RB1CC1: variants seen among roughly 807,000 people sequenced by gnomAD.
RB1CC1 encodes RB1-inducible coiled-coil protein 1.
Under a neutral mutation model 177.5 loss-of-function variants are expected in RB1CC1, and 46 were observed. The ratio of observed to expected loss-of-function variants is 0.26; its 90% confidence interval spans 0.20 to 0.33. The LOEUF (loss-of-function observed/expected upper bound fraction) is 0.33. Ranked by LOEUF, RB1CC1 falls within the 10% of genes least tolerant of loss-of-function variation. The pLI, the probability that RB1CC1 is intolerant of heterozygous loss-of-function variation, is 1.00. For missense variants in RB1CC1, 1,703 were observed against 1,816.3 expected (o/e 0.94, Z 1.13); for synonymous variants, 666 against 613.6 (o/e 1.09, Z -1.26).
At chr8:52,684,586 G>C (rs1302542698) in intron 3 of RB1CC1, among the ~76,000 whole-genome samples, 2 of 152,140 alleles carry the variant, frequency 1.3e-5, no homozygotes, top group Non-Finnish European at 1.5e-5. Context: ...TGTCAAGCCA[G>C]AGAATTATTA....
chr8:52,700,031 C>T (rs1855905349), intron 1 of RB1CC1, among the ~76,000 whole-genome samples: 1 of 151,546 alleles, frequency 6.6e-6, no homozygotes, highest in South Asian at 2.1e-4. Flanking sequence ...TGGCACAATG[C>T]CTATACAAGA....
chr8:52,655,864 CTAAAAAG>C, intron 15 of RB1CC1, 137 bp downstream of exon 15: 4 of 600,190 alleles, frequency 6.7e-6, no homozygotes, highest in Non-Finnish European at 1.1e-5. Context: ...GAAACACTGA[CTAAAAAG>C]TAAGTTTTTA....
chr8:52,713,067 T>A (rs1857188206), intron 1 of RB1CC1, among the ~76,000 whole-genome samples: 1 of 152,200 alleles, frequency 6.6e-6, no homozygotes, highest in African/African-American at 2.4e-5. Flanking sequence ...CTGTCCAAAC[T>A]TATGTATAAA....
At chr8:52,694,195 C>T (rs1483794431) in intron 1 of RB1CC1, among the ~76,000 whole-genome samples, 2 of 152,178 alleles carry the variant, frequency 1.3e-5, no homozygotes, top group African/African-American at 4.8e-5. Context: ...GAACTCCACC[C>T]TACTGCTGGC....
chr8:52,633,580 T>C (rs1196309724), intron 20 of RB1CC1, among the ~76,000 whole-genome samples: 2 of 152,240 alleles, frequency 1.3e-5, no homozygotes, highest in Non-Finnish European at 2.9e-5. Context: ...ACAAGATATT[T>C]TTATTTTTTA....
intron 1 of RB1CC1, among the ~76,000 whole-genome samples, chr8:52,702,221 A>G (rs1856146335): frequency 1.3e-5 from 2 of 152,196 alleles, no homozygotes; most frequent in South Asian, 4.1e-4. Flanking sequence ...TTATAAAATT[A>G]GTTAAATACT....
At chr8:52,665,947 C>T (rs184003464) in intron 8 of RB1CC1, among the ~76,000 whole-genome samples, 19 of 152,262 alleles carry the variant, frequency 1.2e-4, no homozygotes, top group Non-Finnish European at 2.2e-4. Context: ...AGTTTATTTG[C>T]GTTCAGATCC....
rs770636466 is a variant in RB1CC1, at chr8:52,674,024, C to A, written c.823G>T (p.Gly275Cys). The A allele has an allele frequency of 1.3e-5, 21 of 1,614,008 alleles. No individual in the cohort carries two copies. The highest frequency in any genetic ancestry group is 1.7e-5 in the Non-Finnish European group (20 of 1,180,038). Residue 275 changes from glycine (G) to cysteine (C), a missense_variant, in exon 7 of 24, where the codon GGC becomes TGC. By Grantham distance (159) the Gly-to-Cys change is radical (BLOSUM62 -3). This residue lies in a region of RB1CC1 where 315 missense variants were observed against 304.9 expected (regional missense o/e 1.03). Coordinates refer to ENST00000025008, the MANE Select transcript of RB1CC1 (RefSeq NM_014781.5). The stretch of plus-strand genomic sequence containing the variant: ...TGACAAGATTCCCTAATTTCTTTGC[C>A]ACTTTCAGCATCTGCGGTATCTGGG... ...VSPDTADAES[G>C]KEIRESCQST... is the part of the protein sequence containing the mutation.
At chr8:52,642,893 T>C in intron 16 of RB1CC1, 81 bp from the exon 17 acceptor site, 1 of 1,338,470 alleles carries the variant, frequency 7.5e-7, no homozygotes, top group Non-Finnish European at 9.7e-7. Context: ...GCAAATATTC[T>C]TTTCTGTGGC....
Position 52,668,173 on chromosome 8 carries a change from G to A in RB1CC1, c.1021C>T (p.Arg341Ter). The change falls in exon 8 of 24, where the codon CGA becomes TGA. Residue 341 changes from arginine to a stop codon, truncating the protein, a stop_gained. Coordinates refer to ENST00000025008, the MANE Select transcript of RB1CC1 (RefSeq NM_014781.5). LOFTEE classifies it high-confidence loss of function. ...SMSRLDPRII[R>*]PFIAECRQTI... ...TGACGGCATTCTGCTATAAATGGTC[G>A]AATAATCCTTGGATCAAGCTAAATG... 1 of 1,613,436 alleles carries A rather than the reference G, an allele frequency of 6.2e-7. No individual in the cohort carries two copies. The highest frequency in any genetic ancestry group is 8.5e-7 in the Non-Finnish European group (1 of 1,179,860).
intron 6 of RB1CC1, among the ~76,000 whole-genome samples, chr8:52,675,479 T>C (rs1025107152): frequency 4.6e-5 from 7 of 152,168 alleles, no homozygotes; most frequent in African/African-American, 1.7e-4. Flanking sequence ...ACCATTATAT[T>C]TTCAGGTTAA....
intron 15 of RB1CC1, among the ~76,000 whole-genome samples, chr8:52,655,693 T>C (rs575975925): frequency 6.6e-6 from 1 of 151,728 alleles, no homozygotes; most frequent in South Asian, 2.1e-4. Context: ...AGAAAAAAAC[T>C]GCAAATAAAT....
intron 1 of RB1CC1, among the ~76,000 whole-genome samples, chr8:52,700,693 G>A (rs955569424): frequency 6.6e-6 from 1 of 152,124 alleles, no homozygotes; most frequent in African/African-American, 2.4e-5. Flanking sequence ...CTGTATCCAT[G>A]GCAAGGCATA....
chr8:52,657,375 G>A lies in RB1CC1; in HGVS notation c.2454C>T (p.Asp818=), dbSNP rs1851172617. ...SHFSIQTIKE[D]LCHFRTFVQK... Reference sequence around the variant, plus strand: ...GTACAAATGTTCTAAAGTGGCAAAGGTCTTCCTTAATGGTTTGTATACTGA... The same window carrying A: ...GTACAAATGTTCTAAAGTGGCAAAGATCTTCCTTAATGGTTTGTATACTGA... The change falls in exon 15 of 24, where the codon GAC becomes GAT. Residue 818 remains aspartate (D), a synonymous_variant. Coordinates refer to ENST00000025008, the MANE Select transcript of RB1CC1 (RefSeq NM_014781.5). 3 of 1,613,998 alleles carry A rather than the reference G, an allele frequency of 1.9e-6. No homozygotes were observed. The highest frequency in any genetic ancestry group is 2.5e-6 in the Non-Finnish European group (3 of 1,179,992).
intron 3 of RB1CC1, 134 bp downstream of exon 3, chr8:52,685,265 A>T (rs1378401894): frequency 1.6e-6 from 1 of 615,802 alleles, no homozygotes; most frequent in Non-Finnish European, 2.8e-6. Context: ...CAGCCTCCCA[A>T]AGTGCTGGGA....
At chr8:52,632,521 T>C (rs1359100707) in intron 20 of RB1CC1, among the ~76,000 whole-genome samples, 1 of 152,212 alleles carries the variant, frequency 6.6e-6, no homozygotes, top group Non-Finnish European at 1.5e-5. Context: ...TCAACTTTAG[T>C]TTTTTAAAAG....
chr8:52,687,689 A>G (rs1854390915), intron 1 of RB1CC1, among the ~76,000 whole-genome samples: 1 of 152,174 alleles, frequency 6.6e-6, no homozygotes, highest in Admixed American at 6.5e-5. Context: ...CCACAAGCCC[A>G]TAAGCAGATC....
intron 15 of RB1CC1, among the ~76,000 whole-genome samples, chr8:52,651,269 G>A (rs900633417): frequency 6.6e-6 from 1 of 152,166 alleles, no homozygotes; most frequent in Non-Finnish European, 1.5e-5. Flanking sequence ...AACATTAAAT[G>A]AAAATGAGAT....
At chr8:52,645,672 C>T (rs1430721920) in intron 16 of RB1CC1, 30 bp downstream of exon 16, 1 of 1,591,838 alleles carries the variant, frequency 6.3e-7, no homozygotes, top group African/African-American at 1.4e-5. Flanking sequence ...TTCTTTAGTT[C>T]TCAAATGAAA....
Sources: allele counts gnomAD v4.1 joint callset (sites outside exome capture counted in the v4.1 genomes callset), GRCh38; gene constraint gnomAD v4.1.1; regional missense constraint gnomAD v4.1.1; transcripts MANE v1.5; gene names NCBI Gene and HGNC (gene_info 2026-07-23, HGNC 2026-07-21).